The following WDPCP variants were observed in gnomAD, a reference collection of about 807,000 sequenced individuals.
The protein encoded by WDPCP is WD repeat-containing and planar cell polarity effector protein fritz homolog.
WDPCP carries 71 observed loss-of-function variants against 93.1 expected under a neutral mutation model. The ratio of observed to expected loss-of-function variants is 0.76; its 90% CI spans 0.63 to 0.93. The LOEUF is 0.93. WDPCP is among the 40% of genes least tolerant of loss of function. The pLI is 0.00. For synonymous variants in WDPCP, 315 were observed against 315.0 expected, an observed-to-expected ratio of 1.00 and a Z score of 0.00; for missense variants, 844 against 887.4, an observed-to-expected ratio of 0.95 and a Z score of 0.62.
At chr2:63,818,029 A>G (rs1159234077) in intron 1 of WDPCP, among the ~76,000 whole-genome samples, 1 of 152,202 alleles carries the variant, frequency 6.6e-6, no homozygotes, top group Non-Finnish European at 1.5e-5. Context: ...CATTTTATCC[A>G]TAAATGCATT....
intron 8 of WDPCP, among the ~76,000 whole-genome samples, chr2:63,434,402 C>A (rs1040920583): frequency 3.9e-5 from 6 of 152,014 alleles, no homozygotes. Context: ...AGAATATATG[C>A]GACGTATACA....
At chr2:63,826,947 A>C (rs192563548) in intron 1 of WDPCP, among the ~76,000 whole-genome samples, 20 of 152,282 alleles carry the variant, frequency 1.3e-4, no homozygotes, top group African/African-American at 3.6e-4. Context: ...TCACAAATCC[A>C]TTTGGTATTT....
intron 2 of WDPCP, among the ~76,000 whole-genome samples, chr2:63,685,028 A>G (rs1031700658): frequency 3.3e-5 from 5 of 152,190 alleles, no homozygotes; most frequent in African/African-American, 1.2e-4. Flanking sequence ...AAACAAAGAA[A>G]AACTTCAAAT....
At chr2:63,722,946 C>A (rs1272221257) in intron 2 of WDPCP, among the ~76,000 whole-genome samples, 5 of 151,996 alleles carry the variant, frequency 3.3e-5, no homozygotes, top group Non-Finnish European at 2.9e-5. Context: ...ACTAAGAAAA[C>A]TTCTTCTGCC....
intron 2 of WDPCP, among the ~76,000 whole-genome samples, chr2:63,782,284 C>G (rs931606180): frequency 6.6e-6 from 1 of 152,104 alleles, no homozygotes; most frequent in African/African-American, 2.4e-5. Context: ...ACTTCAAAAG[C>G]ACAAGCAACA....
At chr2:63,619,869 G>C (rs1309104264) in intron 3 of WDPCP, among the ~76,000 whole-genome samples, 2 of 152,206 alleles carry the variant, frequency 1.3e-5, no homozygotes, top group Non-Finnish European at 2.9e-5. Context: ...GGCCCATGGA[G>C]AGCAAGCCAA....
intron 14 of WDPCP, among the ~76,000 whole-genome samples, chr2:63,225,477 A>G (rs1239672328): frequency 6.6e-6 from 1 of 151,838 alleles, no homozygotes; most frequent in Middle Eastern, 3.2e-3. Context: ...AGAGGTATCT[A>G]CTAAAGCCGA....
chr2:63,474,365 A>G (rs750162481), intron 6 of WDPCP, among the ~76,000 whole-genome samples: 7 of 152,148 alleles, frequency 4.6e-5, no homozygotes, highest in Non-Finnish European at 1.0e-4. Context: ...ATTGGCAGAC[A>G]TAAGATGGTT....
At chr2:63,682,900 A>G (rs1403657648) in intron 2 of WDPCP, among the ~76,000 whole-genome samples, 1 of 152,226 alleles carries the variant, frequency 6.6e-6, no homozygotes, top group African/African-American at 2.4e-5. Context: ...TTTAAGACAT[A>G]GATGCTGCAC....
chr2:63,607,155 T>C (rs1709549490), intron 3 of WDPCP: 3 of 497,740 alleles, frequency 6.0e-6, no homozygotes, highest in Non-Finnish European at 6.8e-6. Flanking sequence ...TTTATCGTCA[T>C]GCTGTTAGTG....
chr2:63,647,850 A>T (rs1710070019), intron 3 of WDPCP, among the ~76,000 whole-genome samples: 1 of 152,040 alleles, frequency 6.6e-6, no homozygotes, highest in African/African-American at 2.4e-5. Flanking sequence ...AAGTTTAATT[A>T]AAAAAAACTT....
intron 3 of WDPCP, among the ~76,000 whole-genome samples, chr2:63,641,183 T>C (rs1558873280): frequency 6.6e-6 from 1 of 152,230 alleles, no homozygotes; most frequent in Non-Finnish European, 1.5e-5. Context: ...TACTCCATTG[T>C]GTATATGTAC....
chr2:63,314,845 C>A (rs1462604241), intron 12 of WDPCP, among the ~76,000 whole-genome samples: 1 of 152,162 alleles, frequency 6.6e-6, no homozygotes, highest in Non-Finnish European at 1.5e-5. Context: ...ACATGTCTAA[C>A]ATGTTCACTG....
upstream of WDPCP, among the ~76,000 whole-genome samples, chr2:63,831,798 AG>A (rs1331977398): frequency 2.0e-5 from 3 of 152,172 alleles, no homozygotes; most frequent in Non-Finnish European, 2.9e-5. Context: ...AGAACTGTAG[AG>A]GAAAAGCACA....
At chr2:63,289,190 C>T (rs1284733868) in intron 13 of WDPCP, among the ~76,000 whole-genome samples, 3 of 152,032 alleles carry the variant, frequency 2.0e-5, no homozygotes, top group African/African-American at 7.2e-5. Flanking sequence ...CTTTTTCTCA[C>T]CAGTTATAGC....
At chr2:63,605,866 T>G in intron 3 of WDPCP, 1 of 1,243,596 alleles carries the variant, frequency 8.0e-7, no homozygotes, top group Non-Finnish European at 1.2e-6. Flanking sequence ...GGTCACCTGG[T>G]TTAATTTTAT....
intron 14 of WDPCP, chr2:63,228,967 C>A (rs1295930713): frequency 6.6e-6 from 1 of 152,134 alleles, no homozygotes; most frequent in East Asian, 1.9e-4. Flanking sequence ...ATGGCTGGGT[C>A]AAATGGTATT....
At chr2:63,788,549 A>G (rs1336985549) in intron 2 of WDPCP, among the ~76,000 whole-genome samples, 1 of 152,202 alleles carries the variant, frequency 6.6e-6, no homozygotes, top group African/African-American at 2.4e-5. Flanking sequence ...TTCTAATGCT[A>G]AATACATACT....
rs1177533632 is a variant in WDPCP, at chr2:63,119,855, G to A, written c.*2151C>T. Among the ~76,000 whole-genome samples, 1 of 152,110 alleles carries A rather than the reference G, an allele frequency of 6.6e-6. No individual in the cohort carries two copies. Among genetic ancestry groups the A allele is most frequent in the Non-Finnish European group, 1.5e-5 (1 of 68,022 alleles). On this transcript the variant is annotated 3_prime_UTR_variant, in exon 18 of 18. Transcript: ENST00000272321. Reference sequence around the variant, plus strand: ...ATATTCTCAGATTTACAACATCTGGGAAATAACAGCATTTATAAATCATGG... The same window carrying A: ...ATATTCTCAGATTTACAACATCTGGAAAATAACAGCATTTATAAATCATGG...
Sources: allele counts gnomAD v4.1 joint callset (sites outside exome capture counted in the v4.1 genomes callset), GRCh38; gene constraint gnomAD v4.1.1; transcripts MANE v1.5; gene names NCBI Gene and HGNC (gene_info 2026-07-23, HGNC 2026-07-21).